Variants in EXOSC7 observed in about 807,000 individuals in gnomAD.
EXOSC7 encodes exosome complex component RRP42.
Under a neutral mutation model 34.3 loss-of-function variants are expected in EXOSC7, and 25 were observed. The ratio of observed to expected loss-of-function variants is 0.73; its 90% CI spans 0.53 to 1.02. The LOEUF is 1.02. Among genes scored for constraint, EXOSC7 ranks in the 50% least tolerant of loss-of-function variants. The pLI is 0.00. For synonymous variants in EXOSC7, 130 were observed against 143.0 expected (o/e 0.91, Z 0.65); for missense variants, 370 against 368.5 (o/e 1.00, Z -0.03).
At chr3:44,986,204 C>T (rs1161342446) in intron 1 of EXOSC7, among the ~76,000 whole-genome samples, 20 of 110,156 alleles carry the variant, frequency 1.8e-4, no homozygotes, top group South Asian at 1.7e-3. Context: ...CACACAGGAG[C>T]ACCCATGGGT....
At chr3:44,985,841 G>T (rs1294993531) in intron 1 of EXOSC7, among the ~76,000 whole-genome samples, 10 of 152,116 alleles carry the variant, frequency 6.6e-5, no homozygotes, top group Non-Finnish European at 2.9e-5. Flanking sequence ...GTTAGACAGG[G>T]TGCTGATTGG....
At chr3:44,982,098 G>C (rs62242654) in intron 1 of EXOSC7, among the ~76,000 whole-genome samples, 36,770 of 152,040 alleles carry the variant, frequency 0.24, 6,176 homozygotes, top group East Asian at 0.76. Flanking sequence ...CTTCTTTGTA[G>C]AATCTGCCTC....
chr3:44,987,092 T>TAA (rs34686659), intron 1 of EXOSC7, among the ~76,000 whole-genome samples: 14 of 136,236 alleles, frequency 1.0e-4, no homozygotes, highest in Admixed American at 2.9e-4. Flanking sequence ...AGTTAAGTGT[T>TAA]AAAAAAAAAA....
At chr3:45,006,912 A>C (rs62243541) in intron 6 of EXOSC7, among the ~76,000 whole-genome samples, 15,645 of 150,524 alleles carry the variant, frequency 0.1, 847 homozygotes, top group Middle Eastern at 0.18. Flanking sequence ...TTTGGTGGAG[A>C]CAGGGTCTTG....
chr3:44,977,869 G>T (rs1706148039), intron 1 of EXOSC7, among the ~76,000 whole-genome samples: 1 of 152,206 alleles, frequency 6.6e-6, no homozygotes, highest in Non-Finnish European at 1.5e-5. Flanking sequence ...ACTGAGGCAT[G>T]GATATATCTG....
Position 45,011,336 on chromosome 3 carries a change from A to G in EXOSC7, c.873A>G (p.Gly291=), listed in dbSNP as rs1707207554. Residue 291 remains glycine (G), a synonymous_variant, in exon 8 of 8, where the codon GGA becomes GGG. Coordinates refer to ENST00000265564, the MANE Select transcript of EXOSC7 (RefSeq NM_015004.4). ...AGAGACAGAAAGTTGGATTCCTGGG[A>G]TGATTTGCACATCAACTGCTCAACT... The part of the protein sequence containing the change: ...GPKRQKVGFL[G] The G allele has an allele frequency of 6.3e-7, 1 of 1,598,108 alleles. No homozygotes were observed. The highest frequency in any genetic ancestry group is 8.6e-7 in the Non-Finnish European group (1 of 1,166,904).
chr3:44,989,179 C>A lies in EXOSC7; in HGVS notation c.97C>A (p.Arg33=), dbSNP rs201593496. Reference sequence around the variant, plus strand: ...GGATGGCCGTGGCTGTGAGGACTACCGATGTGTCGAAGTGGAAACTGATGT... The same window carrying A: ...GGATGGCCGTGGCTGTGAGGACTACAGATGTGTCGAAGTGGAAACTGATGT... The part of the protein sequence containing the change: ...RVDGRGCEDY[R]CVEVETDVVS... Residue 33 remains arginine, a synonymous_variant, in exon 2 of 8, where the codon CGA becomes AGA. Transcript: ENST00000265564. 1 of 1,614,082 alleles carries A rather than the reference C, an allele frequency of 6.2e-7. No homozygotes were observed. The highest frequency in any genetic ancestry group is 1.7e-5 in the Admixed American group (1 of 60,010).
chr3:45,001,481 C>A, intron 4 of EXOSC7, 57 bp from the exon 5 acceptor site: 1 of 1,329,880 alleles, frequency 7.5e-7, no homozygotes, highest in Non-Finnish European at 1.1e-6. Flanking sequence ...GGGGTAATAC[C>A]TAAAGTAATA....
intron 5 of EXOSC7, chr3:45,004,555 G>GTGT (rs2125972216): frequency 2.4e-5 from 3 of 123,614 alleles, no homozygotes; most frequent in East Asian, 2.3e-4. Context: ...CATGCCTGGC[G>GTGT]TTTTTTTTTT....
intron 3 of EXOSC7, among the ~76,000 whole-genome samples, chr3:44,996,144 T>A (rs1015335375): frequency 2.6e-5 from 4 of 152,232 alleles, no homozygotes; most frequent in African/African-American, 7.2e-5. Flanking sequence ...GCCTTCCAGA[T>A]GGGCAAGGGG....
chr3:45,000,587 G>A (rs1038586147), intron 4 of EXOSC7, among the ~76,000 whole-genome samples: 1 of 152,182 alleles, frequency 6.6e-6, no homozygotes, highest in African/African-American at 2.4e-5. Context: ...CAACACTTTC[G>A]CTCATGGGCA....
At chr3:45,005,916 T>C (rs1707024372) in intron 6 of EXOSC7, among the ~76,000 whole-genome samples, 1 of 152,082 alleles carries the variant, frequency 6.6e-6, no homozygotes, top group African/African-American at 2.4e-5. Context: ...AGGCCTGTAT[T>C]GGCTATTGAC....
intron 7 of EXOSC7, among the ~76,000 whole-genome samples, chr3:45,010,529 A>G (rs1240608515): frequency 3.3e-5 from 5 of 152,186 alleles, no homozygotes; most frequent in Admixed American, 1.3e-4. Context: ...GATTACAAGC[A>G]TGAGCCACTA....
intron 3 of EXOSC7, among the ~76,000 whole-genome samples, chr3:44,992,046 A>C (rs1706588826): frequency 6.6e-6 from 1 of 152,202 alleles, no homozygotes; most frequent in African/African-American, 2.4e-5. Context: ...TGAGTCTTCA[A>C]GGAGCATAAT....
intron 4 of EXOSC7, among the ~76,000 whole-genome samples, chr3:44,998,031 G>GTTTTTTTTTTTT (rs200353427): frequency 1.4e-5 from 2 of 142,778 alleles, no homozygotes; most frequent in Non-Finnish European, 3.1e-5. Flanking sequence ...ATTTTTTTTT[G>GTTTTTTTTTTTT]TTTTTTTGTT....
intron 5 of EXOSC7, among the ~76,000 whole-genome samples, chr3:45,002,497 G>C (rs1391179609): frequency 6.6e-6 from 1 of 152,100 alleles, no homozygotes; most frequent in Admixed American, 6.6e-5. Flanking sequence ...CCACACAGCA[G>C]CCTATTTAAA....
At chr3:44,983,103 G>A (rs775090132) in intron 1 of EXOSC7, among the ~76,000 whole-genome samples, 24 of 152,320 alleles carry the variant, frequency 1.6e-4, no homozygotes, top group Non-Finnish European at 3.2e-4. Context: ...TTCCAGATGT[G>A]TCAGATTGGT....
At chr3:44,976,385 CG>C (rs1228648784) in intron 1 of EXOSC7, 51 bp downstream of exon 1, 2 of 1,495,704 alleles carry the variant, frequency 1.3e-6, no homozygotes, top group Non-Finnish European at 1.8e-6. Context: ...CCTGGCCCTG[CG>C]GGTCGCGGCC....
chr3:45,001,425 A>G, intron 4 of EXOSC7, 113 bp from the exon 5 acceptor site: 1 of 781,744 alleles, frequency 1.3e-6, no homozygotes, highest in South Asian at 1.5e-5. Flanking sequence ...CCTGAGTGAC[A>G]GAGCGAGACT....
Sources: allele counts gnomAD v4.1 joint callset (sites outside exome capture counted in the v4.1 genomes callset), GRCh38; gene constraint gnomAD v4.1.1; transcripts MANE v1.5; gene names NCBI Gene and HGNC (gene_info 2026-07-23, HGNC 2026-07-21).